PDIA5: variants seen among roughly 807,000 people sequenced by gnomAD.
PDIA5 encodes protein disulfide-isomerase A5.
PDIA5 carries 58 observed loss-of-function variants against 77.6 expected under a neutral mutation model. The observed-to-expected ratio is 0.75, with a 90% CI of 0.61 to 0.93. The LOEUF is 0.93. PDIA5 is among the 40% of genes least tolerant of loss of function. The pLI is 0.00. For synonymous variants in PDIA5, 250 were observed against 252.1 expected, an observed-to-expected ratio of 0.99 and a Z score of 0.08; for missense variants, 630 against 647.7, an observed-to-expected ratio of 0.97 and a Z score of 0.30.
chr3:123,077,967 G>A (rs1032568906), intron 1 of PDIA5, among the ~76,000 whole-genome samples: 4 of 151,938 alleles, frequency 2.6e-5, no homozygotes, highest in African/African-American at 9.7e-5. Context: ...GTGCCACCAT[G>A]CCCAGCTAAT....
At chr3:123,088,684 G>T (rs913471622) in intron 1 of PDIA5, among the ~76,000 whole-genome samples, 1 of 152,152 alleles carries the variant, frequency 6.6e-6, no homozygotes, top group Admixed American at 6.5e-5. Context: ...GGATGCTCAA[G>T]TCCTTTATAT....
At chr3:123,141,449 G>C (rs576328828) in intron 11 of PDIA5, among the ~76,000 whole-genome samples, 1 of 152,324 alleles carries the variant, frequency 6.6e-6, no homozygotes, top group African/African-American at 2.4e-5. Context: ...TGGGGACTTT[G>C]CATGGACCAC....
intron 10 of PDIA5, among the ~76,000 whole-genome samples, chr3:123,128,345 G>T (rs757818832): frequency 2.8e-4 from 43 of 152,050 alleles, no homozygotes; most frequent in African/African-American, 1.0e-3. Context: ...GAGTGTATTC[G>T]CCTCTGTGTT....
chr3:123,092,422 C>T lies in PDIA5; in HGVS notation c.237C>T (p.Thr79=). ...TVAQAVKGQG[T]ICWVDCGDAE... ...CCCAGGCGGTGAAAGGACAAGGGAC[C>T]ATCTGCTGGGTGGACTGTGGGTATG... Residue 79 remains threonine (T), a synonymous_variant, in exon 3 of 17, where the codon ACC becomes ACT. Coordinates refer to ENST00000316218, the MANE Select transcript of PDIA5 (RefSeq NM_006810.4). 3 of 1,613,606 alleles carry T rather than the reference C, an allele frequency of 1.9e-6. No homozygotes were observed. The highest frequency in any genetic ancestry group is 2.5e-6 in the Non-Finnish European group (3 of 1,179,630).
intron 8 of PDIA5, among the ~76,000 whole-genome samples, chr3:123,116,773 G>A (rs1222856390): frequency 6.6e-6 from 1 of 152,180 alleles, no homozygotes; most frequent in Non-Finnish European, 1.5e-5. Context: ...TTCCTGTGGG[G>A]CGGGAAGAAC....
intron 14 of PDIA5, 66 bp downstream of exon 14, chr3:123,150,430 A>G: frequency 6.7e-7 from 1 of 1,491,752 alleles, no homozygotes; most frequent in Non-Finnish European, 9.1e-7. Context: ...AACCAAAAAG[A>G]CCCGCACACC....
intron 5 of PDIA5, among the ~76,000 whole-genome samples, chr3:123,104,752 A>G (rs948345806): frequency 6.6e-6 from 1 of 152,196 alleles, no homozygotes; most frequent in Non-Finnish European, 1.5e-5. Flanking sequence ...TGACTCACTG[A>G]TGACCTCAGG....
chr3:123,136,782 A>G (rs578033396), intron 11 of PDIA5, among the ~76,000 whole-genome samples: 46 of 150,532 alleles, frequency 3.1e-4, no homozygotes, highest in African/African-American at 1.0e-3. Flanking sequence ...GTTTTTTAAC[A>G]TAAGTAGGAC....
chr3:123,071,857 G>A (rs569479079), intron 1 of PDIA5, among the ~76,000 whole-genome samples: 11 of 152,288 alleles, frequency 7.2e-5, no homozygotes, highest in African/African-American at 1.7e-4. Flanking sequence ...GCCCCGGTCC[G>A]TGTTTGGCTG....
chr3:123,137,876 T>G (rs1935537961), intron 11 of PDIA5, among the ~76,000 whole-genome samples: 1 of 152,198 alleles, frequency 6.6e-6, no homozygotes, highest in Non-Finnish European at 1.5e-5. Context: ...CCCTATATTT[T>G]GTTATAATGT....
chr3:123,129,232 G>T (rs1935315161), intron 10 of PDIA5, among the ~76,000 whole-genome samples: 1 of 152,222 alleles, frequency 6.6e-6, no homozygotes, highest in African/African-American at 2.4e-5. Flanking sequence ...CCATTGTCTG[G>T]CTGGTGACTC....
chr3:123,130,079 A>T (rs1192793154), intron 10 of PDIA5, among the ~76,000 whole-genome samples: 1 of 152,014 alleles, frequency 6.6e-6, no homozygotes, highest in East Asian at 1.9e-4. Flanking sequence ...TTTAAACACA[A>T]CAGTGAGCTT....
At chr3:123,078,418 G>GT (rs1386968834) in intron 1 of PDIA5, among the ~76,000 whole-genome samples, 1 of 152,016 alleles carries the variant, frequency 6.6e-6, no homozygotes, top group Non-Finnish European at 1.5e-5. Flanking sequence ...TTTTAGGCAG[G>GT]TTTTTTTCTT....
intron 11 of PDIA5, among the ~76,000 whole-genome samples, chr3:123,137,097 A>G (rs1178015423): frequency 6.6e-6 from 1 of 152,242 alleles, no homozygotes; most frequent in African/African-American, 2.4e-5. Context: ...CCCTGGGGTA[A>G]GTAAGCTTGA....
intron 9 of PDIA5, 54 bp downstream of exon 9, chr3:123,124,211 T>C: frequency 6.4e-7 from 1 of 1,570,094 alleles, no homozygotes; most frequent in Non-Finnish European, 8.8e-7. Context: ...TGATTGACCA[T>C]AATCTCAGGG....
chr3:123,124,781 A>AGG (rs1029119896), intron 10 of PDIA5, among the ~76,000 whole-genome samples: 9 of 152,186 alleles, frequency 5.9e-5, no homozygotes, highest in African/African-American at 1.9e-4. Flanking sequence ...GGTTTGAGAG[A>AGG]GGTTCCACTG....
At chr3:123,134,868 A>C (rs1031906076) in intron 11 of PDIA5, among the ~76,000 whole-genome samples, 1 of 152,126 alleles carries the variant, frequency 6.6e-6, no homozygotes, top group African/African-American at 2.4e-5. Flanking sequence ...GTGTGAGCAG[A>C]GGGCTCTGAG....
rs1935479348 is a variant in PDIA5 at position 123,135,563 on chromosome 3, G to GC, written c.910+4948dup. On this transcript the variant is annotated intron_variant, in intron 11 of 16. Coordinates refer to ENST00000316218, the MANE Select transcript of PDIA5 (RefSeq NM_006810.4). The stretch of plus-strand genomic sequence containing the variant: ...CCTTCCAGGAGCCGGGCTGTTTCTG[G>GC]CAGCAGGTCCCCATCAGACTCAAGA... Among the ~76,000 whole-genome samples the GC allele has an allele frequency of 2.6e-5, 4 of 152,154 alleles. No individual in the cohort carries two copies. The South Asian group carries it at 8.3e-4, about 32-fold the overall frequency.
At position 123,161,364 on chromosome 3, in the gene PDIA5, A is replaced by G. The variant is rs755044208; in HGVS notation, c.1388A>G (p.Asp463Gly). The G allele has an allele frequency of 7.4e-6, 12 of 1,613,980 alleles. No homozygotes were observed. The highest frequency in any genetic ancestry group is 3.3e-4 in the Middle Eastern group (2 of 6,084). Residue 463 changes from aspartate (D) to glycine (G), a missense_variant, in exon 16 of 17, where the codon GAC (aspartate) becomes GGC (glycine). Asp to Gly is a moderately conservative substitution (Grantham distance 94, BLOSUM62 -1). Coordinates refer to ENST00000316218, the MANE Select transcript of PDIA5 (RefSeq NM_006810.4). ...GACTGTGTCAAAGACAAGAACCAAGACCTGTGCCAGCAGGAGGCGGTCAAG... is the reference window on the plus strand; with the variant it reads ...GACTGTGTCAAAGACAAGAACCAAGGCCTGTGCCAGCAGGAGGCGGTCAAG... ...AVDCVKDKNQ[D>G]LCQQEAVKGY... is the part of the protein sequence containing the mutation.
Sources: allele counts gnomAD v4.1 joint callset (sites outside exome capture counted in the v4.1 genomes callset), GRCh38; gene constraint gnomAD v4.1.1; transcripts MANE v1.5; gene names NCBI Gene and HGNC (gene_info 2026-07-23, HGNC 2026-07-21).